The following ADCY8 variants were observed in gnomAD, a reference collection of about 807,000 sequenced individuals.
ADCY8 encodes adenylate cyclase 8, also known as adenylate cyclase type 8.
A neutral mutation model predicts 119.7 loss-of-function variants in ADCY8; 51 were observed. That is an observed-to-expected ratio of 0.43 (90% CI 0.34 to 0.54). The LOEUF (loss-of-function observed/expected upper bound fraction) is 0.54, where lower values mean the gene tolerates loss of function less well. Ranked by LOEUF, ADCY8 falls within the 20% of genes least tolerant of loss-of-function variation. The pLI is 0.03. For missense variants in ADCY8, 1,383 were observed against 1,598.8 expected (o/e 0.87, Z 2.30); for synonymous variants, 665 against 651.0 (o/e 1.02, Z -0.33).
chr8:130,984,396 C>T (rs187386324), intron 2 of ADCY8, among the ~76,000 whole-genome samples: 2 of 152,158 alleles, frequency 1.3e-5, no homozygotes, highest in East Asian at 3.9e-4. Flanking sequence ...ACCATCTCAA[C>T]ATCAGCTAGA....
At chr8:130,956,040 G>C (rs963822801) in intron 2 of ADCY8, among the ~76,000 whole-genome samples, 1 of 152,164 alleles carries the variant, frequency 6.6e-6, no homozygotes, top group African/African-American at 2.4e-5. Flanking sequence ...AGATACTTGG[G>C]AGGCTGAGGT....
intron 1 of ADCY8, among the ~76,000 whole-genome samples, chr8:131,006,766 C>G (rs16904398): frequency 0.024 from 3,709 of 152,226 alleles, 48 homozygotes; most frequent in East Asian, 0.057. Flanking sequence ...CTGTTTAGAT[C>G]TCCATGAGAA....
At chr8:130,825,992 A>C (rs898309109) in intron 12 of ADCY8, among the ~76,000 whole-genome samples, 6 of 152,236 alleles carry the variant, frequency 3.9e-5, no homozygotes, top group Non-Finnish European at 4.4e-5. Flanking sequence ...GGGCATGGCA[A>C]CAAAGTTGGA....
intron 2 of ADCY8, among the ~76,000 whole-genome samples, chr8:130,984,138 C>G (rs1392523670): frequency 6.8e-6 from 1 of 147,390 alleles, no homozygotes; most frequent in African/African-American, 2.6e-5. Context: ...CTTGCATGGG[C>G]GGGCTCCCTG....
intron 1 of ADCY8, among the ~76,000 whole-genome samples, chr8:131,011,822 T>TCTGATGTCACC (rs1419333162): frequency 6.6e-6 from 1 of 151,952 alleles, no homozygotes; most frequent in Non-Finnish European, 1.5e-5. Flanking sequence ...GATGCCCAGG[T>TCTGATGTCACC]AGAATGCAGG....
chr8:131,010,580 A>T (rs965519472), intron 1 of ADCY8, among the ~76,000 whole-genome samples: 1 of 152,200 alleles, frequency 6.6e-6, no homozygotes, highest in Non-Finnish European at 1.5e-5. Context: ...AAATGAAGGT[A>T]AGTAAAAGGA....
chr8:130,927,847 G>A (rs951453925), intron 5 of ADCY8, among the ~76,000 whole-genome samples: 15 of 152,122 alleles, frequency 9.9e-5, no homozygotes, highest in Non-Finnish European at 1.8e-4. Flanking sequence ...ATATTGAATA[G>A]AAGTGGCAAG....
chr8:131,039,429 A>G lies in ADCY8; in HGVS notation c.905T>C (p.Leu302Pro), dbSNP rs1310281245. The G allele has an allele frequency of 2.5e-6, 4 of 1,614,080 alleles. No individual in the cohort carries two copies. Among genetic ancestry groups the G allele is most frequent in the Non-Finnish European group, 3.4e-6 (4 of 1,180,048 alleles). The part of the protein sequence containing the change: ...AILAGLGTSL[L>P]QVILQVVIPR... ...TATGACCACTTGGAGGATGACCTGC[A>G]GCAGCGAGGTGCCCAGGCCGGCCAG... is the stretch of plus-strand genomic sequence containing the variant. The change falls in exon 1 of 18, where the codon CTG (leucine) becomes CCG (proline). Residue 302 changes from leucine to proline, a missense_variant. By Grantham distance (98) the Leu-to-Pro change is moderately conservative (BLOSUM62 -3). Around this residue, in one of 2 missense-constraint regions of ADCY8, gnomAD observed 455 missense variants for 435.3 expected, o/e 1.05. Coordinates refer to ENST00000286355, the MANE Select transcript of ADCY8 (RefSeq NM_001115.3).
intron 1 of ADCY8, among the ~76,000 whole-genome samples, chr8:130,997,587 C>T (rs1177946136): frequency 6.6e-6 from 1 of 152,134 alleles, no homozygotes; most frequent in Non-Finnish European, 1.5e-5. Flanking sequence ...GCAGAAAAGA[C>T]CATCCAGATA....
intron 12 of ADCY8, among the ~76,000 whole-genome samples, chr8:130,827,327 T>G: frequency 6.6e-6 from 1 of 152,196 alleles, no homozygotes; most frequent in East Asian, 1.9e-4. Flanking sequence ...TGGCTCCATC[T>G]TCTCTTCTCT....
chr8:130,979,271 C>T (rs1183314608), intron 2 of ADCY8, among the ~76,000 whole-genome samples: 1 of 152,182 alleles, frequency 6.6e-6, no homozygotes, highest in Non-Finnish European at 1.5e-5. Flanking sequence ...TCATGGGCTA[C>T]TGGGTCTTTT....
intron 8 of ADCY8, among the ~76,000 whole-genome samples, chr8:130,874,100 G>C (rs1465811731): frequency 6.6e-6 from 1 of 151,994 alleles, no homozygotes; most frequent in Non-Finnish European, 1.5e-5. Context: ...CTGGGGTCAG[G>C]AGTTCGAGAC....
chr8:131,029,116 T>G (rs1199391654), intron 1 of ADCY8, among the ~76,000 whole-genome samples: 1 of 152,222 alleles, frequency 6.6e-6, no homozygotes, highest in East Asian at 1.9e-4. Context: ...GTGGTGGCAT[T>G]AGATTCTCAT....
At chr8:130,848,835 A>G (rs1384315326) in intron 10 of ADCY8, among the ~76,000 whole-genome samples, 1 of 152,228 alleles carries the variant, frequency 6.6e-6, no homozygotes, top group African/African-American at 2.4e-5. Context: ...TTGAGAAAAA[A>G]TGAAACCATG....
At chr8:130,972,100 C>T (rs980097469) in intron 2 of ADCY8, among the ~76,000 whole-genome samples, 1 of 152,154 alleles carries the variant, frequency 6.6e-6, no homozygotes, top group Non-Finnish European at 1.5e-5. Flanking sequence ...TGTCCTCATA[C>T]AATCACCACT....
chr8:130,863,236 T>C (rs200750676), intron 9 of ADCY8, among the ~76,000 whole-genome samples: 2 of 151,846 alleles, frequency 1.3e-5, no homozygotes, highest in African/African-American at 4.9e-5. Context: ...TTTTTATCTC[T>C]GATAATTTTC....
intron 1 of ADCY8, among the ~76,000 whole-genome samples, chr8:131,017,098 C>G (rs1823499013): frequency 6.7e-6 from 1 of 149,444 alleles, no homozygotes; most frequent in South Asian, 2.1e-4. Flanking sequence ...GAGATGGAGT[C>G]TCACTTTGTC....
intron 5 of ADCY8, among the ~76,000 whole-genome samples, chr8:130,911,488 A>G (rs1457130061): frequency 6.6e-6 from 1 of 150,668 alleles, no homozygotes; most frequent in Non-Finnish European, 1.5e-5. Context: ...TGACCTTTAC[A>G]TTACTATATC....
chr8:130,810,146 G>A (rs1041435138), intron 14 of ADCY8, among the ~76,000 whole-genome samples: 6 of 152,110 alleles, frequency 3.9e-5, no homozygotes, highest in African/African-American at 1.4e-4. Flanking sequence ...TTGTGGCTCC[G>A]TGAAACTCAC....
Sources: gnomAD v4.1 joint callset for allele counts (sites outside exome capture counted in the v4.1 genomes callset) on GRCh38, gnomAD v4.1.1 for gene constraint, gnomAD v4.1.1 regional missense constraint, MANE v1.5 for transcripts, NCBI Gene and HGNC (gene_info 2026-07-23, HGNC 2026-07-21) for gene names.